Variants in GABRA6 observed in about 807,000 individuals in gnomAD.
GABRA6 encodes the protein gamma-aminobutyric acid type A receptor subunit alpha6, also known as gamma-aminobutyric acid receptor subunit alpha-6.
GABRA6 carries 45 observed loss-of-function variants against 47.3 expected under a neutral mutation model. That is an observed-to-expected ratio of 0.95 (90% CI 0.75 to 1.22). The LOEUF is 1.22. Among genes scored for constraint, GABRA6 ranks in the 50% most tolerant of loss-of-function variants. GABRA6 has a pLI of 0.00. For missense variants in GABRA6, 583 were observed against 549.3 expected, an observed-to-expected ratio of 1.06 and a Z score of -0.61; for synonymous variants, 219 against 194.7, an observed-to-expected ratio of 1.12 and a Z score of -1.04.
chr5:161,700,884 G>A (rs1581125901), intron 8 of GABRA6, among the ~76,000 whole-genome samples: 2 of 152,308 alleles, frequency 1.3e-5, no homozygotes, highest in African/African-American at 4.8e-5. Context: ...GGTATGAACA[G>A]TCATCCTACT....
chr5:161,686,489 A>T lies in GABRA6; in HGVS notation c.157+141A>T, dbSNP rs1347611606. ...AGAGACCATGGGTATGTTCCCATCC[A>T]GTCTCTGCCTCATCCACCATTAGTA... On this transcript the variant is annotated intron_variant, in intron 2 of 8. Transcript: ENST00000274545. 3 of 752,540 alleles carry T rather than the reference A, an allele frequency of 4.0e-6. No homozygotes were observed. In the Admixed American group the frequency reaches 5.4e-5, roughly 14 times the overall value. The allele number at this position is 752,540 out of a possible 1,614,324, so 46.6% of individuals were successfully genotyped here.
At chr5:161,687,341 A>G (rs1754719047) in intron 3 of GABRA6, 1 of 386,412 alleles carries the variant, frequency 2.6e-6, no homozygotes, top group Admixed American at 3.6e-5. Flanking sequence ...AAACACACAG[A>G]TCTTATTCCA....
intron 6 of GABRA6, 48 bp from the exon 7 acceptor site, chr5:161,690,153 T>C: frequency 1.3e-6 from 2 of 1,559,548 alleles, no homozygotes; most frequent in Non-Finnish European, 8.8e-7. Flanking sequence ...TGCATTCTTT[T>C]TGCAGACTGT....
chr5:161,692,318 GT>G, intron 8 of GABRA6, 118 bp downstream of exon 8: 1 of 1,222,688 alleles, frequency 8.2e-7, no homozygotes, highest in Admixed American at 1.8e-5. Context: ...TATAACTGTA[GT>G]TTCAAGAGCA....
At chr5:161,691,288 CTT>C (rs1160422481) in intron 7 of GABRA6, among the ~76,000 whole-genome samples, 11 of 84,718 alleles carry the variant, frequency 1.3e-4, no homozygotes, top group African/African-American at 4.9e-4. Context: ...TTTTTCTTTC[CTT>C]TTTTTTTTTT....
Position 161,701,598 on chromosome 5 carries a change from T to G in GABRA6, c.1187T>G (p.Ile396Ser). Residue 396 changes from isoleucine to serine, a missense_variant, in exon 9 of 9, where the codon ATC becomes AGC. Ile to Ser is a moderately radical substitution (Grantham distance 142, BLOSUM62 -2). Coordinates refer to ENST00000274545, the MANE Select transcript of GABRA6 (RefSeq NM_000811.3). Reference sequence around the variant, plus strand: ...AATAAAGTGCTCACGAGAGCGCCCATCTTACAATCAACACCTGTCACACCC... The same window carrying G: ...AATAAAGTGCTCACGAGAGCGCCCAGCTTACAATCAACACCTGTCACACCC... The part of the protein sequence containing the change: ...EANKVLTRAP[I>S]LQSTPVTPPP... 6.2e-7 allele frequency: 1 copy of G among 1,614,130 alleles called. No homozygotes were observed. The highest frequency in any genetic ancestry group is 8.5e-7 in the Non-Finnish European group (1 of 1,180,032).
chr5:161,695,886 A>T (rs771896592), intron 8 of GABRA6, among the ~76,000 whole-genome samples: 1 of 151,996 alleles, frequency 6.6e-6, no homozygotes, highest in Non-Finnish European at 1.5e-5. Flanking sequence ...TATATATTTG[A>T]TAAGTGCCTT....
chr5:161,686,696 G>A (rs1257211639), intron 2 of GABRA6, among the ~76,000 whole-genome samples: 1 of 152,154 alleles, frequency 6.6e-6, no homozygotes, highest in Non-Finnish European at 1.5e-5. Flanking sequence ...ATTTTCGTTA[G>A]AACGAATCTA....
chr5:161,686,083 A>G (rs1389789020), intron 1 of GABRA6, 56 bp downstream of exon 1: 3 of 1,537,182 alleles, frequency 2.0e-6, no homozygotes, highest in Non-Finnish European at 1.8e-6. Context: ...AAGGAAAAGT[A>G]TACATCCATT....
chr5:161,687,954 A>G (rs1274440005), intron 3 of GABRA6, among the ~76,000 whole-genome samples: 1 of 152,172 alleles, frequency 6.6e-6, no homozygotes, highest in Non-Finnish European at 1.5e-5. Context: ...AGGAGTTAGC[A>G]ATATTCAGAA....
intron 5 of GABRA6, 144 bp from the exon 6 acceptor site, chr5:161,689,492 T>G (rs1426430656): frequency 2.9e-6 from 3 of 1,026,416 alleles, no homozygotes; most frequent in Admixed American, 4.0e-5. Flanking sequence ...TCTCATAAAT[T>G]GAGGCTTTAG....
In GABRA6 at chr5:161,686,270, T is replaced by C; in HGVS notation, c.79T>C (p.Phe27Leu). 1 of 1,614,064 alleles carries C rather than the reference T, an allele frequency of 6.2e-7. No individual in the cohort carries two copies. Among genetic ancestry groups the C allele is most frequent in the Non-Finnish European group, 8.5e-7 (1 of 1,179,936 alleles). The change falls in exon 2 of 9, where the codon TTC (phenylalanine) becomes CTC (leucine). Residue 27 changes from phenylalanine to leucine, a missense_variant. Physicochemically the swap from Phe to Leu is conservative, Grantham distance 22. Transcript: ENST00000274545. The stretch of plus-strand genomic sequence containing the variant: ...AGGGAAACTCGAAGTTGAAGGCAAC[T>C]TCTACTCAGAAAACGTCAGTCGGAT... ...ALGKLEVEGN[F>L]YSENVSRILD...
rs1164006428 is a variant in GABRA6, at chr5:161,689,476, T to C, written c.529+140T>C. On this transcript the variant is annotated intron_variant, in intron 5 of 8. Transcript: ENST00000274545. Reference sequence around the variant, plus strand: ...ATTCTAGGAATATACTTAATCATTCTGTCAATCTCATAAATTGAGGCTTTA... The same window carrying C: ...ATTCTAGGAATATACTTAATCATTCCGTCAATCTCATAAATTGAGGCTTTA... 20 of 1,010,378 alleles carry C rather than the reference T, an allele frequency of 2.0e-5. 1 individual carries two copies. The Admixed American group carries it at 2.2e-4, about 11-fold the overall frequency. 62.6% of individuals were successfully genotyped at this position (1,010,378 alleles called of 1,614,324 possible).
chr5:161,696,220 T>C (rs1306428102), intron 8 of GABRA6, among the ~76,000 whole-genome samples: 1 of 152,128 alleles, frequency 6.6e-6, no homozygotes, highest in African/African-American at 2.4e-5. Flanking sequence ...ATAAGTTATA[T>C]ACCCTTCCTG....
chr5:161,687,073 A>G (rs1754715644), intron 3 of GABRA6, 70 bp downstream of exon 3: 1 of 1,228,288 alleles, frequency 8.1e-7, no homozygotes, highest in African/African-American at 1.5e-5. Flanking sequence ...AACTAATGAT[A>G]ATGGGCATTG....
intron 8 of GABRA6, among the ~76,000 whole-genome samples, chr5:161,694,984 A>G (rs1174727158): frequency 6.6e-6 from 1 of 152,172 alleles, no homozygotes; most frequent in African/African-American, 2.4e-5. Context: ...TTTCTCCCAA[A>G]TACCATGACA....
chr5:161,700,778 G>A (rs1444958326), intron 8 of GABRA6, among the ~76,000 whole-genome samples: 2 of 152,132 alleles, frequency 1.3e-5, no homozygotes, highest in Non-Finnish European at 2.9e-5. Context: ...CATTTTTAGT[G>A]ACTGAAGATA....
chr5:161,691,210 T>C (rs1295337676), intron 7 of GABRA6, among the ~76,000 whole-genome samples: 1 of 151,730 alleles, frequency 6.6e-6, no homozygotes, highest in Admixed American at 6.6e-5. Flanking sequence ...ATTTATACCA[T>C]ATTTATTTAT....
At chr5:161,694,315 A>C (rs1367293889) in intron 8 of GABRA6, among the ~76,000 whole-genome samples, 1 of 151,620 alleles carries the variant, frequency 6.6e-6, no homozygotes, top group Non-Finnish European at 1.5e-5. Flanking sequence ...GAGTGAAAAA[A>C]AAAAAGATCG....
Sources: gnomAD v4.1 joint callset for allele counts (sites outside exome capture counted in the v4.1 genomes callset) on GRCh38, gnomAD v4.1.1 for gene constraint, MANE v1.5 for transcripts, NCBI Gene and HGNC (gene_info 2026-07-23, HGNC 2026-07-21) for gene names.